The following CCDC3 variants were observed in gnomAD, a reference collection of about 807,000 sequenced individuals.
CCDC3 encodes coiled-coil domain containing 3.
CCDC3 carries 24 observed loss-of-function variants against 21.4 expected under a neutral mutation model. The ratio of observed to expected loss-of-function variants is 1.12; its 90% CI spans 0.81 to 1.58. The LOEUF (loss-of-function observed/expected upper bound fraction) is 1.58, where lower values mean the gene tolerates loss of function less well. Among genes scored for constraint, CCDC3 ranks in the 40% most tolerant of loss-of-function variants. The pLI is 0.00. For synonymous variants in CCDC3, 186 were observed against 166.0 expected (o/e 1.12, Z -0.93); for missense variants, 425 against 360.9 (o/e 1.18, Z -1.44).
intron 2 of CCDC3, among the ~76,000 whole-genome samples, chr10:12,901,696 T>G (rs188335301): frequency 6.6e-6 from 1 of 152,236 alleles, no homozygotes. Context: ...CATGCCCTCG[T>G]GCACAGTAAA....
intron 2 of CCDC3, among the ~76,000 whole-genome samples, chr10:12,928,413 C>G (rs1233602310): frequency 6.6e-6 from 1 of 152,178 alleles, no homozygotes. Context: ...TTCCCTCCAA[C>G]CGTTTTAGGA....
At chr10:13,015,278 T>C (rs1836039899) in intron 5 of CCDC3, among the ~76,000 whole-genome samples, 1 of 152,134 alleles carries the variant, frequency 6.6e-6, no homozygotes, top group Admixed American at 6.5e-5. Flanking sequence ...ATTCTTGAGA[T>C]TGAGCTGATA....
chr10:13,056,109 A>G (rs867268697), intron 4 of CCDC3, among the ~76,000 whole-genome samples: 18 of 152,330 alleles, frequency 1.2e-4, no homozygotes, highest in Middle Eastern at 3.4e-3. Flanking sequence ...GGCTTCACAC[A>G]TTACAGTTTA....
intron 5 of CCDC3, among the ~76,000 whole-genome samples, chr10:13,030,806 A>G (rs1169766979): frequency 2.0e-5 from 3 of 152,220 alleles, no homozygotes; most frequent in African/African-American, 7.2e-5. Flanking sequence ...TATCCTAAAT[A>G]TATATGCACC....
chr10:13,095,641 C>T (rs1321995499), intron 3 of CCDC3, among the ~76,000 whole-genome samples: 2 of 152,212 alleles, frequency 1.3e-5, no homozygotes, highest in South Asian at 4.1e-4. Flanking sequence ...TCCTGCTGTT[C>T]GGTCTAGTTC....
chr10:13,054,015 C>T (rs991525217), intron 4 of CCDC3, among the ~76,000 whole-genome samples: 10 of 151,912 alleles, frequency 6.6e-5, no homozygotes, highest in Admixed American at 1.3e-4. Context: ...CATGGTGGTG[C>T]ATGCCTGTAA....
intron 5 of CCDC3, among the ~76,000 whole-genome samples, chr10:13,034,170 G>A (rs557381638): frequency 1.1e-3 from 169 of 152,176 alleles, no homozygotes; most frequent in Middle Eastern, 3.4e-3. Flanking sequence ...CCATAAAGAA[G>A]GATGAATTCA....
intron 5 of CCDC3, among the ~76,000 whole-genome samples, chr10:13,023,237 T>C (rs1251266965): frequency 6.6e-6 from 1 of 152,200 alleles, no homozygotes; most frequent in Non-Finnish European, 1.5e-5. Flanking sequence ...AAACCACCTA[T>C]ACATTTCATG....
upstream of CCDC3, among the ~76,000 whole-genome samples, chr10:13,004,597 G>A (rs139979339): frequency 8.9e-4 from 116 of 130,058 alleles, no homozygotes; most frequent in African/African-American, 3.3e-3. Context: ...AGGTCCGATG[G>A]AATCAACCTG....
chr10:12,993,058 C>T (rs906000215), intron 2 of CCDC3, among the ~76,000 whole-genome samples: 2 of 152,166 alleles, frequency 1.3e-5, no homozygotes, highest in East Asian at 1.9e-4. Flanking sequence ...CAGCACAAAC[C>T]CCTGTTACTA....
intron 2 of CCDC3, among the ~76,000 whole-genome samples, chr10:12,971,868 T>C (rs1246167651): frequency 1.3e-5 from 2 of 152,110 alleles, no homozygotes; most frequent in Non-Finnish European, 2.9e-5. Flanking sequence ...TTTGTATTTT[T>C]AGTAGAGACA....
chr10:13,005,260 C>T (rs1835912864), upstream of CCDC3, among the ~76,000 whole-genome samples: 1 of 152,174 alleles, frequency 6.6e-6, no homozygotes, highest in African/African-American at 2.4e-5. Context: ...GTTATTTCTT[C>T]CTCATTCAAC....
chr10:12,954,503 T>C (rs1390364461), intron 2 of CCDC3, among the ~76,000 whole-genome samples: 1 of 152,164 alleles, frequency 6.6e-6, no homozygotes, highest in African/African-American at 2.4e-5. Context: ...ACAAGAAGCA[T>C]GGCGCCAGCA....
In CCDC3 at chr10:13,056,145, C is replaced by T. The variant is rs1257376724; in HGVS notation, c.-269-6204G>A. 4.6e-5 allele frequency among the ~76,000 whole-genome samples: 7 copies of T among 152,162 alleles called. No individual in the cohort carries two copies. The South Asian group carries it at 6.2e-4, about 14-fold the overall frequency. On this transcript the variant is annotated intron_variant, in intron 4 of 6. Transcript: ENST00000378839. ...ATTCTAAACTTGTGTAACAGCCCAA[C>T]GTAGATCCAAGTCAATGCAGGGACT...
At chr10:12,921,926 G>A (rs1339168881) in intron 2 of CCDC3, among the ~76,000 whole-genome samples, 1 of 152,064 alleles carries the variant, frequency 6.6e-6, no homozygotes, top group African/African-American at 2.4e-5. Flanking sequence ...GTAGAGATGG[G>A]TCTTGCCATG....
chr10:12,993,270 T>C (rs968309549), intron 2 of CCDC3, among the ~76,000 whole-genome samples: 1 of 152,228 alleles, frequency 6.6e-6, no homozygotes, highest in African/African-American at 2.4e-5. Context: ...AGACAGTTTA[T>C]CTGTTCTAGG....
intron 2 of CCDC3, among the ~76,000 whole-genome samples, chr10:12,903,284 CA>C (rs1834121546): frequency 1.3e-5 from 2 of 152,214 alleles, no homozygotes; most frequent in African/African-American, 4.8e-5. Flanking sequence ...GCTATCACCT[CA>C]AAAGAAAATC....
At chr10:13,072,013 A>G (rs1292331180) in intron 4 of CCDC3, among the ~76,000 whole-genome samples, 1 of 152,178 alleles carries the variant, frequency 6.6e-6, no homozygotes, top group East Asian at 1.9e-4. Flanking sequence ...GGAACCCAGA[A>G]GTCCAAATGC....
chr10:12,951,398 G>A (rs956200537), intron 2 of CCDC3, among the ~76,000 whole-genome samples: 8 of 152,072 alleles, frequency 5.3e-5, no homozygotes, highest in Admixed American at 1.3e-4. Flanking sequence ...GACCTAATGC[G>A]ATGGCTCCTA....
Sources: allele counts gnomAD v4.1 joint callset (sites outside exome capture counted in the v4.1 genomes callset), GRCh38; gene constraint gnomAD v4.1.1; transcripts MANE v1.5; gene names NCBI Gene and HGNC (gene_info 2026-07-23, HGNC 2026-07-21).